The following SNX24 variants were observed in gnomAD, a reference collection of about 807,000 sequenced individuals.
SNX24 encodes the protein sorting nexin 24.
SNX24 carries 22 observed loss-of-function variants against 28.7 expected under a neutral mutation model. The observed-to-expected ratio is 0.77, with a 90% CI of 0.55 to 1.10. The LOEUF is 1.10. Among genes scored for constraint, SNX24 ranks in the 50% least tolerant of loss-of-function variants. The probability of loss-of-function intolerance (pLI) is 0.00; values close to 1 mark genes in which losing one functional copy is unlikely to be tolerated. For missense variants in SNX24, 221 were observed against 201.1 expected (o/e 1.10, Z -0.60); for synonymous variants, 69 against 71.5 (o/e 0.96, Z 0.18).
At chr5:122,944,650 T>A (rs1406169000) in intron 2 of SNX24, among the ~76,000 whole-genome samples, 1 of 152,186 alleles carries the variant, frequency 6.6e-6, no homozygotes, top group Non-Finnish European at 1.5e-5. Flanking sequence ...CTCTTGCTGC[T>A]TTACCATTCT....
chr5:123,011,553 CAG>C (rs1456136420), downstream of SNX24, among the ~76,000 whole-genome samples: 1 of 152,230 alleles, frequency 6.6e-6, no homozygotes, highest in African/African-American at 2.4e-5. Flanking sequence ...TTTGAAATAA[CAG>C]ATGGTTTTCA....
chr5:122,909,311 G>A (rs1475953744), intron 1 of SNX24, among the ~76,000 whole-genome samples: 1 of 152,294 alleles, frequency 6.6e-6, no homozygotes, highest in African/African-American at 2.4e-5. Context: ...CTTAATCTGT[G>A]CCAGGTACCG....
At chr5:122,950,215 T>C (rs968707960) in intron 3 of SNX24, among the ~76,000 whole-genome samples, 1 of 152,224 alleles carries the variant, frequency 6.6e-6, no homozygotes, top group Non-Finnish European at 1.5e-5. Flanking sequence ...CTTTTATTTT[T>C]CCAAATTATA....
intron 6 of SNX24, among the ~76,000 whole-genome samples, chr5:123,005,905 T>TA (rs975995297): frequency 6.6e-6 from 1 of 152,182 alleles, no homozygotes; most frequent in African/African-American, 2.4e-5. Context: ...AGGCATGCAC[T>TA]AAAAAAATCA....
At chr5:122,872,459 G>A (rs891437880) in intron 1 of SNX24, among the ~76,000 whole-genome samples, 1 of 152,090 alleles carries the variant, frequency 6.6e-6, no homozygotes, top group African/African-American at 2.4e-5. Flanking sequence ...AACCAATCCT[G>A]AATTTGTAAG....
intron 1 of SNX24, among the ~76,000 whole-genome samples, chr5:122,919,571 G>GT (rs397999139): frequency 0.033 from 4,711 of 143,350 alleles, 81 homozygotes; most frequent in Non-Finnish European, 0.041. Context: ...AGTCATTTTA[G>GT]TTTTTTTTTT....
At chr5:122,879,949 A>T (rs1439880166) in intron 1 of SNX24, among the ~76,000 whole-genome samples, 1 of 152,264 alleles carries the variant, frequency 6.6e-6, no homozygotes, top group Admixed American at 6.5e-5. Context: ...GTTAAATTTT[A>T]AAAGAAAATG....
chr5:123,025,983 G>A, intron 5 of SNX24: 1 of 1,574,908 alleles, frequency 6.3e-7, no homozygotes, highest in Non-Finnish European at 8.6e-7. Context: ...GACAAAACAA[G>A]GAAGAAAGTC....
downstream of SNX24, among the ~76,000 whole-genome samples, chr5:123,010,324 T>C (rs1019298631): frequency 6.6e-6 from 1 of 151,698 alleles, no homozygotes; most frequent in African/African-American, 2.4e-5. Context: ...GGAGTCTTGC[T>C]CTGTTGCCCA....
At chr5:122,866,770 A>G (rs2150047865) in intron 1 of SNX24, among the ~76,000 whole-genome samples, 1 of 152,358 alleles carries the variant, frequency 6.6e-6, no homozygotes, top group Middle Eastern at 3.4e-3. Context: ...TAGCAGAGCA[A>G]TACATGGCAC....
At position 122,891,126 on chromosome 5, in the gene SNX24, G is replaced by A. The variant is rs1016382840; in HGVS notation, c.60+45433G>A. The A allele has an allele frequency of 7.4e-6, 11 of 1,490,232 alleles. No homozygotes were observed. In the African/African-American group the frequency reaches 9.9e-5, roughly 13 times the overall value. The allele number at this position is 1,490,232 out of a possible 1,614,324, so 92.3% of individuals were successfully genotyped here. ...TTCAAATGGAAGACTTACATATCAG[G>A]TATTTTTGACTGTAGAAAACTTTAC... On this transcript the variant is annotated intron_variant, in intron 1 of 6. Transcript: ENST00000261369.
intron 2 of SNX24, among the ~76,000 whole-genome samples, chr5:122,945,214 A>G (rs1051091185): frequency 6.6e-6 from 1 of 151,926 alleles, no homozygotes; most frequent in African/African-American, 2.4e-5. Context: ...TCTCTTTCCA[A>G]CTCATTCTGC....
intron 1 of SNX24, among the ~76,000 whole-genome samples, chr5:122,893,578 A>T (rs1435745492): frequency 6.6e-6 from 1 of 152,198 alleles, no homozygotes; most frequent in Non-Finnish European, 1.5e-5. Flanking sequence ...CATATTTTAA[A>T]TTATGACATT....
At chr5:123,020,599 A>C (rs1762748066) in intron 5 of SNX24, among the ~76,000 whole-genome samples, 1 of 152,222 alleles carries the variant, frequency 6.6e-6, no homozygotes. Context: ...ATCTTTACAC[A>C]TAAAAAATTT....
At chr5:122,853,567 T>A (rs1245579269) in intron 1 of SNX24, 1 of 259,808 alleles carries the variant, frequency 3.8e-6, no homozygotes. Context: ...TGCTTAGAAA[T>A]TTGGGGGCAC....
intron 1 of SNX24, among the ~76,000 whole-genome samples, chr5:122,893,117 C>T (rs911914788): frequency 2.0e-4 from 31 of 151,916 alleles, no homozygotes; most frequent in African/African-American, 7.5e-4. Context: ...AGAAACTTCT[C>T]TCTTTCCTCC....
intron 1 of SNX24, among the ~76,000 whole-genome samples, chr5:122,923,297 C>A (rs1378812128): frequency 6.6e-6 from 1 of 151,494 alleles, no homozygotes; most frequent in African/African-American, 2.4e-5. Flanking sequence ...TATGATTACA[C>A]CACTGCACTG....
At chr5:122,960,411 A>G (rs1026296232) in intron 3 of SNX24, among the ~76,000 whole-genome samples, 7 of 152,050 alleles carry the variant, frequency 4.6e-5, no homozygotes, top group African/African-American at 1.7e-4. Context: ...TGTGAACCAC[A>G]TTTTCATCCA....
intron 3 of SNX24, among the ~76,000 whole-genome samples, chr5:122,997,953 G>T (rs1762109141): frequency 6.6e-6 from 1 of 151,952 alleles, no homozygotes. Flanking sequence ...AACAATCATT[G>T]AAACATGTGT....
Sources: allele counts gnomAD v4.1 joint callset (sites outside exome capture counted in the v4.1 genomes callset), GRCh38; gene constraint gnomAD v4.1.1; transcripts MANE v1.5; gene names NCBI Gene and HGNC (gene_info 2026-07-23, HGNC 2026-07-21).